SNTG2: variants seen among roughly 807,000 people sequenced by gnomAD.
The protein encoded by SNTG2 is gamma-2-syntrophin.
SNTG2 carries 74 observed loss-of-function variants against 70.9 expected under a neutral mutation model. That is an observed-to-expected ratio of 1.04 (90% CI 0.86 to 1.27). SNTG2 has a LOEUF of 1.27. SNTG2 is among the 50% of genes most tolerant of loss of function. The probability of loss-of-function intolerance (pLI) is 0.00; values close to 1 mark genes in which losing one functional copy is unlikely to be tolerated. For synonymous variants in SNTG2, 278 were observed against 273.8 expected (o/e 1.02, Z -0.15); for missense variants, 717 against 690.7 (o/e 1.04, Z -0.43).
chr2:1,255,696 A>C (rs917876206), intron 12 of SNTG2, among the ~76,000 whole-genome samples: 2 of 151,536 alleles, frequency 1.3e-5, no homozygotes, highest in African/African-American at 4.9e-5. Flanking sequence ...GCTTCAGAAC[A>C]GTACTCCAGG....
intron 14 of SNTG2, among the ~76,000 whole-genome samples, chr2:1,274,455 C>A (rs1373903353): frequency 6.6e-6 from 1 of 152,220 alleles, no homozygotes; most frequent in Non-Finnish European, 1.5e-5. Context: ...CTCCAAGCAA[C>A]AAGAGTACAT....
chr2:1,187,212 A>AT (rs1322241258), intron 8 of SNTG2, among the ~76,000 whole-genome samples: 7 of 152,358 alleles, frequency 4.6e-5, no homozygotes, highest in Non-Finnish European at 7.3e-5. Context: ...AGGTAGGATA[A>AT]TTGCATTGGT....
intron 1 of SNTG2, among the ~76,000 whole-genome samples, chr2:992,917 C>T (rs1661549203): frequency 6.6e-6 from 1 of 152,084 alleles, no homozygotes. Flanking sequence ...CTTTAGCACC[C>T]TTAATATAAA....
At chr2:1,358,522 C>T (rs1660973028) in intron 16 of SNTG2, among the ~76,000 whole-genome samples, 1 of 152,094 alleles carries the variant, frequency 6.6e-6, no homozygotes, top group African/African-American at 2.4e-5. Flanking sequence ...GTTTTTGCTG[C>T]ATCCCACAAA....
chr2:1,283,469 C>A (rs547025296), intron 14 of SNTG2, among the ~76,000 whole-genome samples: 4 of 152,204 alleles, frequency 2.6e-5, no homozygotes, highest in Non-Finnish European at 4.4e-5. Context: ...GTCAACGGAG[C>A]TGCTGTGCAC....
chr2:1,123,842 GAAC>G (rs1667530389), intron 4 of SNTG2, among the ~76,000 whole-genome samples: 2 of 151,200 alleles, frequency 1.3e-5, no homozygotes, highest in African/African-American at 4.9e-5. Flanking sequence ...CAGGTTAATA[GAAC>G]AAGTAAACCA....
intron 9 of SNTG2, among the ~76,000 whole-genome samples, chr2:1,215,607 A>T (rs1674333803): frequency 6.6e-6 from 1 of 151,318 alleles, no homozygotes; most frequent in African/African-American, 2.4e-5. Context: ...CACAACGTGC[A>T]GGTTCGTTAC....
intron 16 of SNTG2, 50 bp from the exon 17 acceptor site, chr2:1,367,293 G>A (rs530894422): frequency 3.1e-5 from 45 of 1,474,194 alleles, no homozygotes; most frequent in Middle Eastern, 3.5e-4. Context: ...TTTTTGTAAC[G>A]TGTTCTTCCA....
intron 11 of SNTG2, among the ~76,000 whole-genome samples, chr2:1,244,502 C>T (rs540451496): frequency 1.4e-3 from 211 of 152,128 alleles, no homozygotes; most frequent in East Asian, 5.3e-3. Context: ...TGAGACCATC[C>T]TGGCTAACAC....
intron 1 of SNTG2, among the ~76,000 whole-genome samples, chr2:1,010,496 C>T (rs1659698322): frequency 6.6e-6 from 1 of 152,198 alleles, no homozygotes; most frequent in African/African-American, 2.4e-5. Context: ...TTTATCTGAG[C>T]ATTTTGCTTG....
chr2:1,221,459 G>GCCTC (rs1674825848), intron 9 of SNTG2, among the ~76,000 whole-genome samples: 11 of 95,996 alleles, frequency 1.1e-4, no homozygotes, highest in South Asian at 4.8e-4. Context: ...GTCTCTCTCT[G>GCCTC]TCTCTGTCTC....
intron 2 of SNTG2, among the ~76,000 whole-genome samples, chr2:1,088,136 T>C (rs1422572815): frequency 2.6e-5 from 4 of 152,220 alleles, no homozygotes; most frequent in Non-Finnish European, 4.4e-5. Context: ...CAATTTCCCT[T>C]ACAATATTTT....
chr2:1,222,423 G>A (rs939439391), intron 9 of SNTG2, among the ~76,000 whole-genome samples: 12 of 152,392 alleles, frequency 7.9e-5, no homozygotes, highest in Admixed American at 2.6e-4. Context: ...GGCTATCAGA[G>A]TTTGTGATGA....
chr2:984,146 T>C (rs1661225200), intron 1 of SNTG2, among the ~76,000 whole-genome samples: 1 of 152,176 alleles, frequency 6.6e-6, no homozygotes, highest in African/African-American at 2.4e-5. Context: ...GTGACGCTAT[T>C]GAATCACACT....
rs182022160 is a variant in SNTG2, at chr2:1,366,774, T to C, written c.1489-569T>C. 9.6e-4 allele frequency among the ~76,000 whole-genome samples: 145 copies of C among 151,736 alleles called. 3 individuals are homozygous for C. In the East Asian group the frequency reaches 0.024, roughly 25 times the overall value. On this transcript the variant is annotated intron_variant, in intron 16 of 16. Coordinates refer to ENST00000308624, the MANE Select transcript of SNTG2 (RefSeq NM_018968.4). ...ACACGCACCCACACAGCAGGCGCTGTTCCTCCCAAGCGTGGCCTTGGCATG... is the reference window on the plus strand; with the variant it reads ...ACACGCACCCACACAGCAGGCGCTGCTCCTCCCAAGCGTGGCCTTGGCATG...
intron 1 of SNTG2, among the ~76,000 whole-genome samples, chr2:1,000,550 C>T (rs1472647154): frequency 6.6e-6 from 1 of 151,670 alleles, no homozygotes; most frequent in African/African-American, 2.4e-5. Flanking sequence ...TGGAAATATA[C>T]AACCTCTCAA....
rs944572690 is a variant in SNTG2, at chr2:1,021,735, C to A, written c.73-61783C>A. Among the ~76,000 whole-genome samples, 5 of 151,962 alleles carry A rather than the reference C, an allele frequency of 3.3e-5. No homozygotes were observed. In the South Asian group the frequency reaches 1.0e-3, roughly 32 times the overall value. On this transcript the variant is annotated intron_variant, in intron 1 of 16. Coordinates refer to ENST00000308624, the MANE Select transcript of SNTG2 (RefSeq NM_018968.4). ...CAAGCAATCCTCCCACCCCAGCCTC[C>A]TGAGTAGCTGGGACTATAGGAATGC...
At chr2:1,040,954 C>A (rs1661401283) in intron 1 of SNTG2, among the ~76,000 whole-genome samples, 1 of 152,164 alleles carries the variant, frequency 6.6e-6, no homozygotes, top group South Asian at 2.1e-4. Context: ...AGCAGTGAAG[C>A]CCTCAGTCAA....
intron 1 of SNTG2, among the ~76,000 whole-genome samples, chr2:1,010,726 C>G (rs953954735): frequency 6.6e-6 from 1 of 152,202 alleles, no homozygotes; most frequent in South Asian, 2.1e-4. Flanking sequence ...ACGCAGGGCT[C>G]TTCACCTTTG....
Sources: gnomAD v4.1 joint callset for allele counts (sites outside exome capture counted in the v4.1 genomes callset) on GRCh38, gnomAD v4.1.1 for gene constraint, MANE v1.5 for transcripts, NCBI Gene and HGNC (gene_info 2026-07-23, HGNC 2026-07-21) for gene names.